ERCC6L2: variants seen among roughly 807,000 people sequenced by gnomAD.
The protein encoded by ERCC6L2 is DNA excision repair protein ERCC-6-like 2.
In ERCC6L2, 77 loss-of-function variants were observed where a neutral mutation model predicts 132.0. The observed-to-expected ratio is 0.58, with a 90% CI of 0.49 to 0.71. The LOEUF (loss-of-function observed/expected upper bound fraction) is 0.71, where lower values mean the gene tolerates loss of function less well. Among genes scored for constraint, ERCC6L2 ranks in the 30% least tolerant of loss-of-function variants. The pLI, the probability that ERCC6L2 is intolerant of heterozygous loss-of-function variation, is 0.00. For missense variants in ERCC6L2, 1,542 were observed against 1,837.6 expected (o/e 0.84, Z 2.94); for synonymous variants, 583 against 632.4 (o/e 0.92, Z 1.17).
intron 2 of ERCC6L2, among the ~76,000 whole-genome samples, chr9:95,888,133 G>T (rs1239883761): frequency 6.7e-6 from 1 of 148,552 alleles, no homozygotes; most frequent in Non-Finnish European, 1.5e-5. Flanking sequence ...CACTCTCTCT[G>T]TACCTTTGTA....
intron 17 of ERCC6L2, among the ~76,000 whole-genome samples, chr9:95,989,128 A>T (rs1564288773): frequency 6.6e-6 from 1 of 152,148 alleles, no homozygotes; most frequent in African/African-American, 2.4e-5. Flanking sequence ...AGCTATCCAG[A>T]TGCTCTCAGA....
At chr9:96,002,735 A>G (rs1013976141) in intron 17 of ERCC6L2, among the ~76,000 whole-genome samples, 1 of 152,080 alleles carries the variant, frequency 6.6e-6, no homozygotes, top group African/African-American at 2.4e-5. Flanking sequence ...TGCCTGGCCT[A>G]ATTTGGCATT....
At chr9:95,887,533 A>G (rs1032582486) in intron 2 of ERCC6L2, among the ~76,000 whole-genome samples, 2 of 152,224 alleles carry the variant, frequency 1.3e-5, no homozygotes, top group Non-Finnish European at 2.9e-5. Flanking sequence ...TGCAAAGAAG[A>G]TAATAGTACT....
intron 13 of ERCC6L2, among the ~76,000 whole-genome samples, chr9:95,956,404 T>C (rs1015033884): frequency 6.6e-6 from 1 of 152,150 alleles, no homozygotes; most frequent in African/African-American, 2.4e-5. Context: ...CAGGCCAAGA[T>C]GTAATGGTTT....
chr9:95,942,673 A>G (rs944391393), intron 12 of ERCC6L2, among the ~76,000 whole-genome samples: 2 of 152,184 alleles, frequency 1.3e-5, no homozygotes, highest in African/African-American at 4.8e-5. Flanking sequence ...GAAATTGAGG[A>G]AAAATCCCAG....
At position 96,036,765 on chromosome 9, in the gene ERCC6L2, T is replaced by TA. The variant is rs1834523732; in HGVS notation, c.*1504-2111_*1504-2110insA. Among the ~76,000 whole-genome samples the TA allele has an allele frequency of 6.4e-5, 9 of 140,026 alleles. 1 individual carries two copies. Among genetic ancestry groups the TA allele is most frequent in the African/African-American group, 1.9e-4 (7 of 36,756 alleles). 91.9% of individuals were successfully genotyped at this position (140,026 alleles called of 152,430 possible). ...AAATTATTATTATTATTATTATTATTTTTATTTATTTTTTTTTTTGAGACG... is the reference window on the plus strand; with the variant it reads ...AAATTATTATTATTATTATTATTATTATTTATTTATTTTTTTTTTTGAGACG... On this transcript the variant is annotated intron_variant and NMD_transcript_variant, in intron 19 of 20. Coordinates refer to the ERCC6L2 transcript ENST00000670016.
intron 16 of ERCC6L2, among the ~76,000 whole-genome samples, chr9:95,975,511 G>T (rs1457755257): frequency 6.8e-6 from 1 of 148,058 alleles, no homozygotes; most frequent in Middle Eastern, 3.4e-3. Flanking sequence ...ATGCCCAGGG[G>T]GTTTTTTTCT....
At chr9:96,038,715 G>A (rs1214084633) in intron 19 of ERCC6L2, among the ~76,000 whole-genome samples, 1 of 152,214 alleles carries the variant, frequency 6.6e-6, no homozygotes, top group East Asian at 1.9e-4. Flanking sequence ...AGAATGAAGT[G>A]AACTGTGGTG....
At chr9:95,963,419 A>G (rs1832004640) in intron 13 of ERCC6L2, among the ~76,000 whole-genome samples, 1 of 152,084 alleles carries the variant, frequency 6.6e-6, no homozygotes, top group Non-Finnish European at 1.5e-5. Flanking sequence ...ATTTTCCAGT[A>G]TGTATTTCCC....
rs141031007 is a variant in ERCC6L2, at chr9:95,991,358, G to A, written c.3492+13143G>A. Among the ~76,000 whole-genome samples, 415 of 152,224 alleles carry A rather than the reference G, an allele frequency of 2.7e-3. 1 individual carries two copies. Among genetic ancestry groups the A allele is most frequent in the African/African-American group, 9.6e-3 (397 of 41,542 alleles). On this transcript the variant is annotated intron_variant, in intron 17 of 18. Transcript: ENST00000653738. Reference sequence around the variant, plus strand: ...TGAGGAAGCAGCAAAATTAATTTTAGCAAATCTCAACCCTTTACTGCCCAT... The same window carrying A: ...TGAGGAAGCAGCAAAATTAATTTTAACAAATCTCAACCCTTTACTGCCCAT...
At chr9:95,943,789 G>A (rs1457614010) in intron 12 of ERCC6L2, among the ~76,000 whole-genome samples, 4 of 152,186 alleles carry the variant, frequency 2.6e-5, no homozygotes, top group South Asian at 2.1e-4. Context: ...AATGCATATC[G>A]GAACTATAGT....
intron 6 of ERCC6L2, chr9:95,918,105 G>A: frequency 5.4e-6 from 2 of 368,720 alleles, no homozygotes; most frequent in African/African-American, 2.1e-5. Context: ...TCTTCAGTCT[G>A]GTTTGGGTCT....
At chr9:95,878,599 C>T (rs1827417958) in intron 1 of ERCC6L2, among the ~76,000 whole-genome samples, 1 of 151,656 alleles carries the variant, frequency 6.6e-6, no homozygotes, top group African/African-American at 2.4e-5. Flanking sequence ...TGGTGTGCTG[C>T]ACCCATTAAC....
chr9:96,004,446 T>G (rs1833793345), intron 17 of ERCC6L2, 74 bp from the exon 18 acceptor site: 1 of 817,786 alleles, frequency 1.2e-6, no homozygotes, highest in African/African-American at 1.8e-5. Context: ...TGAGAAAAAG[T>G]AAGACATTCT....
intron 2 of ERCC6L2, among the ~76,000 whole-genome samples, chr9:95,893,097 T>C (rs1307072691): frequency 2.0e-5 from 3 of 152,194 alleles, no homozygotes; most frequent in Admixed American, 6.5e-5. Context: ...TGATAAAATA[T>C]ACATTCTCAA....
chr9:96,006,713 C>T (rs1833876561), intron 18 of ERCC6L2, among the ~76,000 whole-genome samples: 1 of 152,108 alleles, frequency 6.6e-6, no homozygotes, highest in African/African-American at 2.4e-5. Context: ...AGGCCACGCT[C>T]TGGCCTTTGA....
intron 17 of ERCC6L2, among the ~76,000 whole-genome samples, chr9:96,000,264 C>T (rs1833619907): frequency 6.6e-6 from 1 of 152,138 alleles, no homozygotes; most frequent in African/African-American, 2.4e-5. Context: ...TTCAACCTGA[C>T]CACCTGGCAT....
In ERCC6L2 at chr9:96,013,016, G is replaced by A. The variant is rs1462780731; in HGVS notation, c.4466G>A (p.Ser1489Asn). 2 of 1,367,610 alleles carry A rather than the reference G, an allele frequency of 1.5e-6. No individual in the cohort carries two copies. The highest frequency in any genetic ancestry group is 2.0e-6 in the Non-Finnish European group (2 of 1,021,826). The allele number at this position is 1,367,610 out of a possible 1,614,324, so 84.7% of individuals were successfully genotyped here. Reference protein sequence around the residue: ...WDILNEQNDESLSKLTDLAVI... With the variant: ...WDILNEQNDENLSKLTDLAVI... ...ATCTTGAATGAGCAGAATGATGAGA[G>A]TCTTAGTAAACTCACAGACTTGGCA... The change falls in exon 19 of 19, where the codon AGT (serine) becomes AAT (asparagine). Residue 1489 changes from serine (S) to asparagine (N), a missense_variant. This residue lies in a region of ERCC6L2 where 442 missense variants were observed against 583.4 expected (regional missense o/e 0.76). Transcript: ENST00000653738.
intron 13 of ERCC6L2, among the ~76,000 whole-genome samples, chr9:95,959,668 TCAAA>T (rs1262024709): frequency 1.3e-5 from 2 of 151,052 alleles, no homozygotes; most frequent in Admixed American, 6.6e-5. Flanking sequence ...TACAATGAAC[TCAAA>T]CAAATTTACA....
Sources: gnomAD v4.1 joint callset for allele counts (sites outside exome capture counted in the v4.1 genomes callset) on GRCh38, gnomAD v4.1.1 for gene constraint, gnomAD v4.1.1 regional missense constraint, MANE v1.5 for transcripts, NCBI Gene and HGNC (gene_info 2026-07-23, HGNC 2026-07-21) for gene names.